The following PACSIN1 variants were observed in gnomAD, a reference collection of about 807,000 sequenced individuals.
PACSIN1 encodes protein kinase C and casein kinase substrate in neurons 1, also known as protein kinase C and casein kinase substrate in neurons protein 1.
Under a neutral mutation model 59.5 loss-of-function variants are expected in PACSIN1, and 15 were observed. That is an observed-to-expected ratio of 0.25 (90% CI 0.17 to 0.39). PACSIN1 has a LOEUF of 0.39. PACSIN1 is among the 10% of genes least tolerant of loss of function. The pLI, the probability that PACSIN1 is intolerant of heterozygous loss-of-function variation, is 1.00. For missense variants in PACSIN1, 420 were observed against 580.2 expected (o/e 0.72, Z 2.84); for synonymous variants, 210 against 220.6 (o/e 0.95, Z 0.42).
Position 34,532,511 on chromosome 6 carries a change from A to G in PACSIN1, c.1316A>G (p.Asn439Ser). The G allele has an allele frequency of 1.9e-6, 3 of 1,554,956 alleles. No individual in the cohort carries two copies. Among genetic ancestry groups the G allele is most frequent in the Non-Finnish European group, 2.6e-6 (3 of 1,148,210 alleles). ...GGGCAGCTGGGCCTCTACCCTGCCA[A>G]CTACGTGGAGGCTATCTAGAGGCCC... ...DSGQLGLYPA[N>S]YVEAI is the part of the protein sequence containing the mutation. Residue 439 changes from asparagine (N) to serine (S), a missense_variant, in exon 10 of 10, where the codon AAC becomes AGC. Coordinates refer to ENST00000244458, the MANE Select transcript of PACSIN1 (RefSeq NM_020804.5). This position sits in a 1 kb window ranked among gnomAD's most constrained non-coding sequence, Gnocchi z 5.2.
At chr6:34,520,489 TG>T (rs1050321488) in intron 1 of PACSIN1, among the ~76,000 whole-genome samples, 2 of 152,202 alleles carry the variant, frequency 1.3e-5, no homozygotes, top group East Asian at 1.9e-4. Flanking sequence ...CCCCTGGGTC[TG>T]AGTCTGGCTC....
chr6:34,528,974 C>A, intron 4 of PACSIN1, 97 bp downstream of exon 4: 1 of 935,930 alleles, frequency 1.1e-6, no homozygotes, highest in Non-Finnish European at 1.6e-6. Context: ...GTGGGCTGGG[C>A]ACTGCCCTCT....
chr6:34,519,029 C>T (rs1193353964), intron 1 of PACSIN1, among the ~76,000 whole-genome samples: 1 of 152,028 alleles, frequency 6.6e-6, no homozygotes, highest in African/African-American at 2.4e-5. Flanking sequence ...AGGGTCTGGG[C>T]TCTTAAGAGG....
At chr6:34,471,497 C>A (rs941027179) in intron 1 of PACSIN1, among the ~76,000 whole-genome samples, 1 of 152,108 alleles carries the variant, frequency 6.6e-6, no homozygotes, top group Non-Finnish European at 1.5e-5. Context: ...CTTAGTGCTG[C>A]TGAGAAATAA....
intron 1 of PACSIN1, among the ~76,000 whole-genome samples, chr6:34,517,819 G>A (rs1054522538): frequency 3.7e-4 from 56 of 152,124 alleles, no homozygotes; most frequent in African/African-American, 1.3e-3. Flanking sequence ...TATTTATCTC[G>A]TTTCTTGCCT....
chr6:34,505,174 T>C (rs1372310744), intron 1 of PACSIN1, among the ~76,000 whole-genome samples: 1 of 152,050 alleles, frequency 6.6e-6, no homozygotes, highest in Admixed American at 6.5e-5. Flanking sequence ...TAAAAATTTT[T>C]TTTTGTAGAG....
At chr6:34,475,376 A>G (rs3846865) in intron 1 of PACSIN1, among the ~76,000 whole-genome samples, 152,007 of 152,350 alleles carry the variant, frequency 1, 75,835 homozygotes, top group Middle Eastern at 1. Flanking sequence ...TCCTGTCTCA[A>G]GTCTGGTCTT....
chr6:34,480,699 T>C (rs993760553), intron 1 of PACSIN1, among the ~76,000 whole-genome samples: 1 of 152,174 alleles, frequency 6.6e-6, no homozygotes, highest in African/African-American at 2.4e-5. Context: ...CTGCTCTATA[T>C]ATATCCCCAG....
chr6:34,480,642 C>T (rs1387640838), intron 1 of PACSIN1, among the ~76,000 whole-genome samples: 1 of 145,484 alleles, frequency 6.9e-6, no homozygotes, highest in African/African-American at 2.8e-5. Flanking sequence ...AAAAGTTCTG[C>T]TGGCTTCCAT....
intron 1 of PACSIN1, among the ~76,000 whole-genome samples, chr6:34,508,547 G>A (rs984247708): frequency 6.6e-5 from 10 of 152,288 alleles, no homozygotes; most frequent in African/African-American, 2.2e-4. Flanking sequence ...GATTAGAGGC[G>A]TGAGTCACTG....
chr6:34,514,612 CT>C lies in PACSIN1; in HGVS notation c.-63-11629del, dbSNP rs1767256570. Among the ~76,000 whole-genome samples the C allele has an allele frequency of 6.6e-6, 1 of 152,036 alleles. No individual in the cohort carries two copies. Among genetic ancestry groups the C allele is most frequent in the Non-Finnish European group, 1.5e-5 (1 of 68,012 alleles). ...AGGGAAGAAAGGGGATGGAGCAGGG[CT>C]TCCCAGTCGAGGGCGGCGGCCGAGC... is the stretch of plus-strand genomic sequence containing the variant. On this transcript the variant is annotated intron_variant, in intron 1 of 9. Coordinates refer to ENST00000244458, the MANE Select transcript of PACSIN1 (RefSeq NM_020804.5). This position sits in a 1 kb window ranked among gnomAD's most constrained non-coding sequence, Gnocchi z 4.4.
At chr6:34,486,776 G>A (rs1414816165) in intron 1 of PACSIN1, among the ~76,000 whole-genome samples, 2 of 150,842 alleles carry the variant, frequency 1.3e-5, no homozygotes, top group Admixed American at 1.3e-4. Context: ...AGTTGGGACA[G>A]TGCCTCTTCC....
intron 1 of PACSIN1, among the ~76,000 whole-genome samples, chr6:34,473,001 C>G (rs1300777534): frequency 2.6e-5 from 4 of 152,288 alleles, no homozygotes; most frequent in African/African-American, 9.6e-5. Context: ...AAGTGACTTG[C>G]CTGAGGTCAC....
chr6:34,471,718 G>C, intron 1 of PACSIN1, among the ~76,000 whole-genome samples: 1 of 152,208 alleles, frequency 6.6e-6, no homozygotes, highest in East Asian at 1.9e-4. Flanking sequence ...TCACAGTTTT[G>C]ACTTGGCAAT....
At position 34,528,889 on chromosome 6, in the gene PACSIN1, GTGC is replaced by G; in HGVS notation, c.456+16_456+18del. Reference sequence around the variant, plus strand: ...AGAAGATGAAGGAGGTGCTCAGTGGGTGCTGCCACGGGCGGGGTGGGGTGGGCC... The same window carrying G: ...AGAAGATGAAGGAGGTGCTCAGTGGGTGCCACGGGCGGGGTGGGGTGGGCC... On this transcript the variant is annotated intron_variant, in intron 4 of 9. Transcript: ENST00000244458. The G allele has an allele frequency of 6.7e-7, 1 of 1,482,746 alleles. No individual in the cohort carries two copies. Among genetic ancestry groups the G allele is most frequent in the Non-Finnish European group, 9.4e-7 (1 of 1,069,046 alleles). 91.8% of individuals were successfully genotyped at this position (1,482,746 alleles called of 1,614,324 possible).
rs180910558 is a variant in PACSIN1 at position 34,498,213 on chromosome 6, C to T, written c.-63-28030C>T. ...AGTAGCTGGGACTACAGGTGCGCGCCGCCACGCCTGGCTAATTTTTGTATT... is the reference window on the plus strand; with the variant it reads ...AGTAGCTGGGACTACAGGTGCGCGCTGCCACGCCTGGCTAATTTTTGTATT... On this transcript the variant is annotated intron_variant, in intron 1 of 9. Coordinates refer to ENST00000244458, the MANE Select transcript of PACSIN1 (RefSeq NM_020804.5). Among the ~76,000 whole-genome samples, 12 of 152,156 alleles carry T rather than the reference C, an allele frequency of 7.9e-5. No individual in the cohort carries two copies. In the East Asian group the frequency reaches 1.4e-3, roughly 17 times the overall value.
intron 1 of PACSIN1, among the ~76,000 whole-genome samples, chr6:34,511,412 C>T (rs1480643248): frequency 1.3e-5 from 2 of 152,148 alleles, no homozygotes; most frequent in Non-Finnish European, 1.5e-5. Flanking sequence ...CCTTGGATAG[C>T]GAGGCCTTAA....
At chr6:34,480,169 A>C (rs1766694892) in intron 1 of PACSIN1, among the ~76,000 whole-genome samples, 1 of 150,336 alleles carries the variant, frequency 6.7e-6, no homozygotes, top group African/African-American at 2.4e-5. Context: ...TCTTTTTACC[A>C]GGATCCAGGT....
intron 1 of PACSIN1, among the ~76,000 whole-genome samples, chr6:34,489,183 CA>C (rs10638490): frequency 0.085 from 10,552 of 124,444 alleles, 369 homozygotes; most frequent in Non-Finnish European, 0.1. Flanking sequence ...GAGTTTGTCT[CA>C]AAAAAAAAAA....
Sources: allele counts gnomAD v4.1 joint callset (sites outside exome capture counted in the v4.1 genomes callset), GRCh38; gene constraint gnomAD v4.1.1; non-coding constraint Gnocchi (gnomAD v3.1); transcripts MANE v1.5; gene names NCBI Gene and HGNC (gene_info 2026-07-23, HGNC 2026-07-21).